Variants in GARNL3 observed in about 807,000 individuals in gnomAD.
The protein encoded by GARNL3 is GTPase activating Rap/RanGAP domain like 3.
GARNL3 carries 63 observed loss-of-function variants against 125.0 expected under a neutral mutation model. The observed-to-expected ratio is 0.50, with a 90% CI of 0.41 to 0.62. The LOEUF is 0.62. Ranked by LOEUF, GARNL3 falls within the 20% of genes least tolerant of loss-of-function variation. The pLI, the probability that GARNL3 is intolerant of heterozygous loss-of-function variation, is 0.00. For synonymous variants in GARNL3, 439 were observed against 457.5 expected (o/e 0.96, Z 0.52); for missense variants, 994 against 1,244.0 (o/e 0.80, Z 3.02).
chr9:127,236,510 G>A (rs1343849693), intron 1 of GARNL3, among the ~76,000 whole-genome samples: 5 of 152,164 alleles, frequency 3.3e-5, no homozygotes, highest in South Asian at 2.1e-4. Flanking sequence ...GCACAGTGGC[G>A]TGATCATAGC....
chr9:127,296,749 G>T (rs2064607297), intron 2 of GARNL3, among the ~76,000 whole-genome samples: 1 of 151,968 alleles, frequency 6.6e-6, no homozygotes, highest in Non-Finnish European at 1.5e-5. Context: ...GGGATTACAG[G>T]CATGAACCAC....
intron 7 of GARNL3, among the ~76,000 whole-genome samples, chr9:127,330,441 C>A (rs184702980): frequency 6.6e-6 from 1 of 152,260 alleles, no homozygotes; most frequent in East Asian, 1.9e-4. Flanking sequence ...TTGTTTCTGA[C>A]AAAGTTTCTT....
chr9:127,225,352 G>A (rs1240713879), intron 1 of GARNL3: 1 of 984,770 alleles, frequency 1.0e-6, no homozygotes, highest in East Asian at 1.1e-4. Flanking sequence ...GCGCTCCTGC[G>A]GCAGAAGAGG....
intron 1 of GARNL3, among the ~76,000 whole-genome samples, chr9:127,276,690 C>T (rs2063966380): frequency 1.3e-5 from 2 of 152,200 alleles, no homozygotes; most frequent in African/African-American, 4.8e-5. Flanking sequence ...TGAATGACAC[C>T]ATCTTCCTTT....
chr9:127,298,177 G>T (rs997430874), intron 2 of GARNL3, among the ~76,000 whole-genome samples: 4 of 152,010 alleles, frequency 2.6e-5, no homozygotes, highest in African/African-American at 7.3e-5. Context: ...TTTGTTTTTG[G>T]TTTTTTGGGG....
At chr9:127,243,354 G>C in intron 2 of GARNL3, 1 of 915,934 alleles carries the variant, frequency 1.1e-6, no homozygotes, top group South Asian at 1.5e-5. Context: ...TGGGGGGATA[G>C]TGGGGAGGGA....
intron 1 of GARNL3, among the ~76,000 whole-genome samples, chr9:127,239,078 G>A (rs1197987477): frequency 1.3e-5 from 2 of 152,174 alleles, no homozygotes; most frequent in Non-Finnish European, 2.9e-5. Context: ...TTCCTGTGCT[G>A]TATCTGACCC....
At chr9:127,337,332 A>G (rs1829610807) in intron 11 of GARNL3, among the ~76,000 whole-genome samples, 1 of 152,162 alleles carries the variant, frequency 6.6e-6, no homozygotes, top group African/African-American at 2.4e-5. Context: ...AGAGGTAGTC[A>G]TTATTTTTTA....
chr9:127,269,786 G>T (rs199520022), intron 1 of GARNL3, among the ~76,000 whole-genome samples: 49 of 129,724 alleles, frequency 3.8e-4, no homozygotes, highest in East Asian at 6.6e-4. Context: ...TGTTTTTTGT[G>T]TTTTTTTTTT....
upstream of GARNL3, among the ~76,000 whole-genome samples, chr9:127,262,880 C>T (rs1203493199): frequency 2.6e-5 from 4 of 152,220 alleles, no homozygotes; most frequent in African/African-American, 9.7e-5. Context: ...CCATTCTACT[C>T]CTAACCCTTG....
intron 2 of GARNL3, among the ~76,000 whole-genome samples, chr9:127,307,854 T>C (rs2064998913): frequency 6.6e-6 from 1 of 152,356 alleles, no homozygotes; most frequent in East Asian, 1.9e-4. Context: ...TAGGCTCTGC[T>C]CTAGCTTTGT....
At chr9:127,251,398 T>C (rs940882433) in intron 2 of GARNL3, among the ~76,000 whole-genome samples, 2 of 152,064 alleles carry the variant, frequency 1.3e-5, no homozygotes, top group African/African-American at 4.8e-5. Context: ...TAGTTTTTTT[T>C]GTTTTGTTTT....
At chr9:127,275,180 C>G (rs755203835) in intron 1 of GARNL3, among the ~76,000 whole-genome samples, 1 of 152,134 alleles carries the variant, frequency 6.6e-6, no homozygotes, top group Non-Finnish European at 1.5e-5. Flanking sequence ...ATGTTTTCTT[C>G]TGAACTCATG....
At chr9:127,291,036 T>TA (rs2064399187) in intron 1 of GARNL3, 132 bp from the exon 2 acceptor site, 4 of 849,524 alleles carry the variant, frequency 4.7e-6, no homozygotes, top group Non-Finnish European at 7.4e-6. Context: ...GATAGAGCTT[T>TA]AAAAAAACTG....
At position 127,331,720 on chromosome 9, in the gene GARNL3, C is replaced by CTTTTTTTTTTTT. The variant is rs60448026; in HGVS notation, c.595-550_595-539dup. ...CTACTGCTTGCTTGGCTTGGGCTTG[C>CTTTTTTTTTTTT]TTTTTTTTTTTTTTTCACATCTGTT... On this transcript the variant is annotated intron_variant, in intron 7 of 27. Transcript: ENST00000373387. 2.0e-3 allele frequency among the ~76,000 whole-genome samples: 146 copies of CTTTTTTTTTTTT among 74,390 alleles called. 19 individuals are homozygous for CTTTTTTTTTTTT. Among genetic ancestry groups the CTTTTTTTTTTTT allele is most frequent in the Non-Finnish European group, 3.1e-3 (123 of 40,198 alleles). The allele number at this position is 74,390 out of a possible 152,430, so 48.8% of individuals were successfully genotyped here.
chr9:127,301,511 C>T (rs2064785944), intron 2 of GARNL3, among the ~76,000 whole-genome samples: 1 of 152,140 alleles, frequency 6.6e-6, no homozygotes, highest in Non-Finnish European at 1.5e-5. Context: ...TGTCTCTGTG[C>T]CTCAATTTCC....
At chr9:127,238,403 C>T (rs545792213) in intron 1 of GARNL3, among the ~76,000 whole-genome samples, 21 of 152,268 alleles carry the variant, frequency 1.4e-4, no homozygotes, top group African/African-American at 4.3e-4. Flanking sequence ...AAGTAGGCTA[C>T]GTTTCTCTCT....
chr9:127,256,274 A>G (rs1287015927), intron 2 of GARNL3, among the ~76,000 whole-genome samples: 5 of 152,106 alleles, frequency 3.3e-5, no homozygotes, highest in Non-Finnish European at 1.5e-5. Flanking sequence ...GCAAAACATC[A>G]TACTTCATAG....
At chr9:127,347,141 C>T (rs966420215) in intron 16 of GARNL3, among the ~76,000 whole-genome samples, 1 of 152,094 alleles carries the variant, frequency 6.6e-6, no homozygotes, top group Admixed American at 6.5e-5. Flanking sequence ...AAAATGGGGC[C>T]GGGTGCAGTG....
Sources: gnomAD v4.1 joint callset for allele counts (sites outside exome capture counted in the v4.1 genomes callset) on GRCh38, gnomAD v4.1.1 for gene constraint, MANE v1.5 for transcripts, NCBI Gene and HGNC (gene_info 2026-07-23, HGNC 2026-07-21) for gene names.